TBC1D32: variants seen among roughly 807,000 people sequenced by gnomAD.
TBC1D32 encodes the protein protein broad-minded.
TBC1D32 carries 151 observed loss-of-function variants against 170.3 expected under a neutral mutation model. The ratio of observed to expected loss-of-function variants is 0.89; its 90% CI spans 0.78 to 1.01. The LOEUF is 1.01. Ranked by LOEUF, TBC1D32 falls within the 50% of genes least tolerant of loss-of-function variation. The pLI is 0.00. For missense variants in TBC1D32, 1,464 were observed against 1,457.1 expected (o/e 1.00, Z -0.08); for synonymous variants, 498 against 488.0 (o/e 1.02, Z -0.27).
intron 31 of TBC1D32, among the ~76,000 whole-genome samples, chr6:121,087,460 A>G (rs1231527186): frequency 6.6e-6 from 1 of 152,200 alleles, no homozygotes; most frequent in East Asian, 1.9e-4. Context: ...AAATGGACTG[A>G]TATTTTCTTG....
At chr6:121,311,204 T>A (rs1405437238) in intron 3 of TBC1D32, among the ~76,000 whole-genome samples, 1 of 152,178 alleles carries the variant, frequency 6.6e-6, no homozygotes, top group African/African-American at 2.4e-5. Flanking sequence ...CTACCAATAG[T>A]ACCCTAGGCA....
chr6:121,299,892 G>A (rs1036089591), intron 9 of TBC1D32, among the ~76,000 whole-genome samples: 5 of 152,124 alleles, frequency 3.3e-5, no homozygotes, highest in African/African-American at 1.2e-4. Context: ...ATACTGTACG[G>A]TCTACATGTG....
intron 17 of TBC1D32, among the ~76,000 whole-genome samples, chr6:121,248,091 T>C (rs1797852662): frequency 6.6e-6 from 1 of 151,994 alleles, no homozygotes. Flanking sequence ...CTCAGCAAAT[T>C]TAAGAAAATC....
chr6:121,263,221 A>AAAC (rs1554292822), intron 15 of TBC1D32, among the ~76,000 whole-genome samples: 1 of 127,392 alleles, frequency 7.8e-6, no homozygotes, highest in East Asian at 2.6e-4. Context: ...CTCAAAAAAC[A>AAAC]AAACAAAAAA....
intron 15 of TBC1D32, among the ~76,000 whole-genome samples, chr6:121,275,991 C>T (rs547642269): frequency 1.9e-4 from 29 of 151,666 alleles, no homozygotes; most frequent in African/African-American, 5.6e-4. Flanking sequence ...AGGTGGTGCA[C>T]ACCTATAGGT....
At chr6:121,244,917 C>T (rs765140622) in intron 17 of TBC1D32, among the ~76,000 whole-genome samples, 30 of 152,260 alleles carry the variant, frequency 2.0e-4, no homozygotes, top group Admixed American at 3.9e-4. Context: ...AACACTTGTC[C>T]TGGCCAACTT....
intron 22 of TBC1D32, among the ~76,000 whole-genome samples, chr6:121,168,863 G>A (rs550077598): frequency 6.6e-6 from 1 of 152,018 alleles, no homozygotes; most frequent in East Asian, 1.9e-4. Flanking sequence ...GCTAACAAGA[G>A]AAGTGAAGGA....
At chr6:121,232,479 A>T (rs188211969) in intron 20 of TBC1D32, among the ~76,000 whole-genome samples, 1 of 152,174 alleles carries the variant, frequency 6.6e-6, no homozygotes, top group Non-Finnish European at 1.5e-5. Flanking sequence ...GTATTTTGAT[A>T]GGAATTGCAT....
At chr6:121,282,917 AG>A (rs1406554629) in intron 13 of TBC1D32, among the ~76,000 whole-genome samples, 1 of 151,816 alleles carries the variant, frequency 6.6e-6, no homozygotes, top group East Asian at 1.9e-4. Context: ...ACCACTGTGA[AG>A]ATCAATAGGC....
At chr6:121,147,804 G>A (rs1054998150) in intron 24 of TBC1D32, among the ~76,000 whole-genome samples, 1 of 152,004 alleles carries the variant, frequency 6.6e-6, no homozygotes, top group Non-Finnish European at 1.5e-5. Flanking sequence ...ATGTTAGTCA[G>A]GATGGTCTTG....
intron 3 of TBC1D32, among the ~76,000 whole-genome samples, chr6:121,314,103 C>A (rs904532522): frequency 2.8e-4 from 43 of 152,290 alleles, no homozygotes; most frequent in Admixed American, 5.2e-4. Flanking sequence ...CAGGTTGTTC[C>A]CAGGAAAGAC....
intron 15 of TBC1D32, among the ~76,000 whole-genome samples, chr6:121,274,885 G>C (rs1802012055): frequency 6.6e-6 from 1 of 152,138 alleles, no homozygotes; most frequent in Non-Finnish European, 1.5e-5. Flanking sequence ...CATGCTGAGA[G>C]AGGATTTAGT....
chr6:121,248,144 T>C (rs1277822166), intron 17 of TBC1D32, among the ~76,000 whole-genome samples: 1 of 151,948 alleles, frequency 6.6e-6, no homozygotes, highest in Non-Finnish European at 1.5e-5. Flanking sequence ...TGGAATAAAA[T>C]TGGAAATCAA....
intron 17 of TBC1D32, among the ~76,000 whole-genome samples, chr6:121,246,774 A>G (rs75214234): frequency 0.014 from 2,099 of 151,730 alleles, 41 homozygotes; most frequent in African/African-American, 0.047. Flanking sequence ...GAACAAGCAG[A>G]AGAAAGAATA....
intron 26 of TBC1D32, among the ~76,000 whole-genome samples, chr6:121,115,992 A>G (rs1779641787): frequency 2.6e-5 from 4 of 152,174 alleles, no homozygotes; most frequent in African/African-American, 9.6e-5. Flanking sequence ...CAAAGGCACA[A>G]CTAAATAGCA....
intron 21 of TBC1D32, among the ~76,000 whole-genome samples, chr6:121,208,738 A>AAAAAAAAAC (rs1562913317): frequency 6.6e-6 from 1 of 150,848 alleles, no homozygotes; most frequent in Non-Finnish European, 1.5e-5. Context: ...GGAAAAAAAA[A>AAAAAAAAAC]AAAAAAAAAC....
intron 1 of TBC1D32, among the ~76,000 whole-genome samples, chr6:121,330,208 A>AT (rs1333073583): frequency 2.6e-5 from 4 of 151,982 alleles, no homozygotes; most frequent in Non-Finnish European, 4.4e-5. Context: ...TAATTTTTAT[A>AT]TTTTTTGTAG....
intron 24 of TBC1D32, among the ~76,000 whole-genome samples, chr6:121,137,732 GAA>G: frequency 6.6e-6 from 1 of 151,944 alleles, no homozygotes; most frequent in African/African-American, 2.4e-5. Flanking sequence ...AGATGATGTA[GAA>G]AGAGAGACTA....
intron 17 of TBC1D32, among the ~76,000 whole-genome samples, chr6:121,246,883 T>C (rs755338936): frequency 3.9e-5 from 6 of 151,948 alleles, no homozygotes; most frequent in Non-Finnish European, 8.8e-5. Context: ...GCCAAACCTA[T>C]GAATAACTGG....
Sources: allele counts gnomAD v4.1 joint callset (sites outside exome capture counted in the v4.1 genomes callset), GRCh38; gene constraint gnomAD v4.1.1; transcripts MANE v1.5; gene names NCBI Gene and HGNC (gene_info 2026-07-23, HGNC 2026-07-21).